The following AGAP1 variants were observed in gnomAD, a reference collection of about 807,000 sequenced individuals.
AGAP1 encodes arf-GAP with GTPase, ANK repeat and PH domain-containing protein 1.
AGAP1 carries 29 observed loss-of-function variants against 105.3 expected under a neutral mutation model. The observed-to-expected ratio is 0.28, with a 90% confidence interval of 0.21 to 0.38. The LOEUF (loss-of-function observed/expected upper bound fraction) is 0.38. Ranked by LOEUF, AGAP1 falls within the 10% of genes least tolerant of loss-of-function variation. The probability of loss-of-function intolerance (pLI) is 1.00; values close to 1 mark genes in which losing one functional copy is unlikely to be tolerated. For synonymous variants in AGAP1, 509 were observed against 485.9 expected, an observed-to-expected ratio of 1.05 and a Z score of -0.63; for missense variants, 998 against 1,165.1, an observed-to-expected ratio of 0.86 and a Z score of 2.09.
At chr2:235,826,031 C>A (rs1012403847) in intron 9 of AGAP1, among the ~76,000 whole-genome samples, 38 of 152,016 alleles carry the variant, frequency 2.5e-4, no homozygotes, top group African/African-American at 8.2e-4. Context: ...AAAATAGAAA[C>A]CCTCTCAATT....
chr2:235,531,743 G>GGT (rs1943052675), intron 1 of AGAP1, among the ~76,000 whole-genome samples: 1 of 151,846 alleles, frequency 6.6e-6, no homozygotes, highest in Non-Finnish European at 1.5e-5. Flanking sequence ...AGAGTAGCTG[G>GGT]GATTACAGGT....
Position 236,074,809 on chromosome 2 carries a change from A to G in AGAP1, c.2114+25528A>G, listed in dbSNP as rs116591622. On this transcript the variant is annotated intron_variant, in intron 16 of 17. Transcript: ENST00000304032. Reference sequence around the variant, plus strand: ...GTGGCTCATGCCTGTAATTCCAGCAATTTGAGAGGCTGAAGCATGCGCATC... The same window carrying G: ...GTGGCTCATGCCTGTAATTCCAGCAGTTTGAGAGGCTGAAGCATGCGCATC... Among the ~76,000 whole-genome samples the G allele has an allele frequency of 6.6e-3, 1,012 of 152,274 alleles. 10 individuals are homozygous for G. The highest frequency in any genetic ancestry group is 0.047 in the South Asian group (227 of 4,826).
Position 235,867,029 on chromosome 2 carries a change from C to CG in AGAP1, c.1051-16310dup, listed in dbSNP as rs1346803601. 1.3e-5 allele frequency among the ~76,000 whole-genome samples: 2 copies of CG among 152,134 alleles called. No individual in the cohort carries two copies. The highest frequency in any genetic ancestry group is 2.9e-5 in the Non-Finnish European group (2 of 68,030). ...TAGTCATCGTCTAAGGGATGGGCGT[C>CG]GGGGGGTGCTTGCTTATGCGGAGCC... On this transcript the variant is annotated intron_variant, in intron 9 of 17. Transcript: ENST00000304032. The surrounding 1 kb of genome is among the most constrained non-coding windows in gnomAD (Gnocchi z 5.4).
rs2054131810 is a variant in AGAP1, at chr2:235,960,413, C to T, written c.1484-8049C>T. 6.6e-6 allele frequency among the ~76,000 whole-genome samples: 1 copy of T among 152,194 alleles called. No individual in the cohort carries two copies. The highest frequency in any genetic ancestry group is 2.1e-4 in the South Asian group (1 of 4,826). On this transcript the variant is annotated intron_variant, in intron 12 of 17. Coordinates refer to ENST00000304032, the MANE Select transcript of AGAP1 (RefSeq NM_001037131.3). This position sits in a 1 kb window ranked among gnomAD's most constrained non-coding sequence, Gnocchi z 4.9. ...ATTTTTCTGTTCTCTGTCTCCCCAG[C>T]CCTCTCCTGGGCTTTCTCCCGGTGC... is the stretch of plus-strand genomic sequence containing the variant.
intron 8 of AGAP1, 104 bp from the exon 9 acceptor site, chr2:235,807,135 A>G (rs1481026704): frequency 2.8e-5 from 32 of 1,152,740 alleles, no homozygotes; most frequent in African/African-American, 1.4e-4. Flanking sequence ...TAGATCGCGC[A>G]TGTTTTCTAA....
intron 9 of AGAP1, among the ~76,000 whole-genome samples, chr2:235,816,473 G>T (rs965748818): frequency 1.3e-4 from 19 of 151,624 alleles, no homozygotes; most frequent in African/African-American, 4.6e-4. Flanking sequence ...GAAAGAGCAG[G>T]AGTGCAGAGA....
chr2:235,915,461 G>T (rs1465644698), intron 11 of AGAP1, among the ~76,000 whole-genome samples: 1 of 106,006 alleles, frequency 9.4e-6, no homozygotes, highest in Non-Finnish European at 2.0e-5. Flanking sequence ...GATCCCCTGA[G>T]CCCAAGAGTT....
chr2:235,658,517 A>G (rs10208284), intron 1 of AGAP1, among the ~76,000 whole-genome samples: 40,580 of 152,100 alleles, frequency 0.27, 6,112 homozygotes, highest in African/African-American at 0.38. Flanking sequence ...GTCGAGGTCA[A>G]GAGTCTGGGA....
At position 236,051,534 on chromosome 2, in the gene AGAP1, G is replaced by A. The variant is rs2057894665; in HGVS notation, c.2114+2253G>A. ...CGGGCTGGAGGGTGGGAGTGGCCTCGGTGGATGCAGGCTCGGCCGGGCCTG... is the reference window on the plus strand; with the variant it reads ...CGGGCTGGAGGGTGGGAGTGGCCTCAGTGGATGCAGGCTCGGCCGGGCCTG... On this transcript the variant is annotated intron_variant, in intron 16 of 17. Coordinates refer to ENST00000304032, the MANE Select transcript of AGAP1 (RefSeq NM_001037131.3). This position sits in a 1 kb window ranked among gnomAD's most constrained non-coding sequence, Gnocchi z 5.9. 6.6e-6 allele frequency among the ~76,000 whole-genome samples: 1 copy of A among 152,170 alleles called. No individual in the cohort carries two copies. Among genetic ancestry groups the A allele is most frequent in the African/African-American group, 2.4e-5 (1 of 41,448 alleles).
At position 236,126,166 on chromosome 2, in the gene AGAP1, G is replaced by T. The variant is rs2060001378; in HGVS notation, c.*2044G>T. On this transcript the variant is annotated 3_prime_UTR_variant, in exon 18 of 18. Coordinates refer to ENST00000304032, the MANE Select transcript of AGAP1 (RefSeq NM_001037131.3). ...CTCACTCGTATCCAAAAGTATAACAGGTGCAGAAGCCACAAGTCTGAGAAC... is the reference window on the plus strand; with the variant it reads ...CTCACTCGTATCCAAAAGTATAACATGTGCAGAAGCCACAAGTCTGAGAAC... 1 of 152,164 alleles carries T rather than the reference G, an allele frequency of 6.6e-6. No homozygotes were observed. Among genetic ancestry groups the T allele is most frequent in the African/African-American group, 2.4e-5 (1 of 41,450 alleles). The allele number at this position is 152,164 out of a possible 1,614,324, so 9.4% of individuals were successfully genotyped here. A position where few individuals can be genotyped will look rare whatever the true frequency, so the allele number is the denominator to read the frequency against.
chr2:235,811,819 C>T (rs1958156595), intron 9 of AGAP1, among the ~76,000 whole-genome samples: 1 of 152,202 alleles, frequency 6.6e-6, no homozygotes, highest in Non-Finnish European at 1.5e-5. Context: ...TCACAGAGAG[C>T]TCTTAGAGAT....
intron 13 of AGAP1, among the ~76,000 whole-genome samples, chr2:235,996,978 A>G (rs974653480): frequency 6.6e-6 from 1 of 152,230 alleles, no homozygotes; most frequent in Non-Finnish European, 1.5e-5. Context: ...TGTATGTATC[A>G]TTGAGACCTA....
At chr2:235,917,951 C>T (rs2051982805) in intron 11 of AGAP1, among the ~76,000 whole-genome samples, 1 of 152,186 alleles carries the variant, frequency 6.6e-6, no homozygotes, top group Non-Finnish European at 1.5e-5. Flanking sequence ...AACGTGACAT[C>T]AAAACTAGAC....
At position 236,114,464 on chromosome 2, in the gene AGAP1, G is replaced by T. The variant is rs3768924; in HGVS notation, c.2115-5728G>T. 6.6e-6 allele frequency among the ~76,000 whole-genome samples: 1 copy of T among 152,092 alleles called. No homozygotes were observed. Among genetic ancestry groups the T allele is most frequent in the Non-Finnish European group, 1.5e-5 (1 of 67,990 alleles). On this transcript the variant is annotated intron_variant, in intron 16 of 17. Coordinates refer to ENST00000304032, the MANE Select transcript of AGAP1 (RefSeq NM_001037131.3). This position sits in a 1 kb window ranked among gnomAD's most constrained non-coding sequence, Gnocchi z 5.0. ...GCTATCCAGAGTATGTGTCAGCTCA[G>T]GCTGCCAAAATAAAGTATTACACTT...
At position 236,120,456 on chromosome 2, in the gene AGAP1, TCGGCA is replaced by T; in HGVS notation, c.2370+12_2370+16del. The T allele has an allele frequency of 6.2e-7, 1 of 1,611,124 alleles. No homozygotes were observed. The highest frequency in any genetic ancestry group is 1.1e-5 in the South Asian group (1 of 90,984). Reference sequence around the variant, plus strand: ...CGCAGCTCCTGATCTGGGTAGGTGGTCGGCACGCCTGGCAGAGGACGGGGCCACAG... The same window carrying T: ...CGCAGCTCCTGATCTGGGTAGGTGGTCGCCTGGCAGAGGACGGGGCCACAG... On this transcript the variant is annotated intron_variant, in intron 17 of 17. Coordinates refer to ENST00000304032, the MANE Select transcript of AGAP1 (RefSeq NM_001037131.3). The surrounding 1 kb of genome is among the most constrained non-coding windows in gnomAD (Gnocchi z 6.0).
intron 9 of AGAP1, among the ~76,000 whole-genome samples, chr2:235,832,401 T>C (rs976740949): frequency 6.6e-6 from 1 of 152,180 alleles, no homozygotes; most frequent in African/African-American, 2.4e-5. Context: ...TCCTTACAGT[T>C]TGATAAAATT....
chr2:235,924,926 C>A (rs888215382), intron 11 of AGAP1, among the ~76,000 whole-genome samples: 4 of 145,054 alleles, frequency 2.8e-5, no homozygotes, highest in Admixed American at 7.0e-5. Context: ...GAGCAGAGAG[C>A]ACCTGCCCGT....
intron 9 of AGAP1, among the ~76,000 whole-genome samples, chr2:235,860,581 C>G (rs1290335154): frequency 6.6e-6 from 1 of 152,162 alleles, no homozygotes; most frequent in Non-Finnish European, 1.5e-5. Flanking sequence ...CTCAAAAATA[C>G]AGCAACTGAC....
At chr2:235,758,486 C>G (rs1237857452) in intron 6 of AGAP1, among the ~76,000 whole-genome samples, 1 of 151,926 alleles carries the variant, frequency 6.6e-6, no homozygotes, top group Non-Finnish European at 1.5e-5. Context: ...GGCTGTGCAC[C>G]TGTACTCATC....
Sources: gnomAD v4.1 joint callset for allele counts (sites outside exome capture counted in the v4.1 genomes callset) on GRCh38, gnomAD v4.1.1 for gene constraint, Gnocchi (gnomAD v3.1) non-coding constraint, MANE v1.5 for transcripts, NCBI Gene and HGNC (gene_info 2026-07-23, HGNC 2026-07-21) for gene names.